KIAA0319L: variants seen among roughly 807,000 people sequenced by gnomAD.
The protein encoded by KIAA0319L is dyslexia-associated protein KIAA0319-like protein.
A neutral mutation model predicts 120.1 loss-of-function variants in KIAA0319L; 55 were observed. The observed-to-expected ratio is 0.46, with a 90% CI of 0.37 to 0.57. The LOEUF is 0.57. KIAA0319L is among the 20% of genes least tolerant of loss of function. The pLI, the probability that KIAA0319L is intolerant of heterozygous loss-of-function variation, is 0.00. For missense variants in KIAA0319L, 1,049 were observed against 1,255.3 expected, an observed-to-expected ratio of 0.84 and a Z score of 2.48; for synonymous variants, 398 against 471.9, an observed-to-expected ratio of 0.84 and a Z score of 2.03.
intron 2 of KIAA0319L, among the ~76,000 whole-genome samples, chr1:35,508,645 A>AACAGAT (rs1486568924): frequency 6.6e-6 from 1 of 152,158 alleles, no homozygotes; most frequent in African/African-American, 2.4e-5. Flanking sequence ...TCAAGCTACC[A>AACAGAT]ACAGATACAG....
chr1:35,435,375 C>G (rs1640701782), intron 20 of KIAA0319L: 1 of 299,616 alleles, frequency 3.3e-6, no homozygotes, highest in Admixed American at 5.0e-5. Flanking sequence ...GTGACATTCT[C>G]TTTTCTTTAC....
chr1:35,472,858 G>A (rs1250423335), intron 5 of KIAA0319L, among the ~76,000 whole-genome samples: 1 of 148,920 alleles, frequency 6.7e-6, no homozygotes, highest in African/African-American at 2.5e-5. Flanking sequence ...GCATAATCTT[G>A]GCTCACTGCA....
intron 2 of KIAA0319L, among the ~76,000 whole-genome samples, chr1:35,516,704 T>C (rs922741352): frequency 3.3e-5 from 5 of 152,066 alleles, no homozygotes; most frequent in African/African-American, 4.8e-5. Flanking sequence ...ATCCTAGACA[T>C]AGCAATCAGG....
intron 5 of KIAA0319L, among the ~76,000 whole-genome samples, chr1:35,472,766 G>A (rs1385087916): frequency 6.6e-6 from 1 of 151,628 alleles, no homozygotes; most frequent in African/African-American, 2.4e-5. Flanking sequence ...AGAGAGGACA[G>A]GAGAAAATAA....
chr1:35,451,550 C>T lies in KIAA0319L; in HGVS notation c.2062+78G>A, dbSNP rs554755228. ...TCTTGCTATCTCTAATCAATTTCTGCAGGCAAACATGACAGGATAAATTCT... is the reference window on the plus strand; with the variant it reads ...TCTTGCTATCTCTAATCAATTTCTGTAGGCAAACATGACAGGATAAATTCT... On this transcript the variant is annotated intron_variant, in intron 13 of 20. Coordinates refer to ENST00000325722, the MANE Select transcript of KIAA0319L (RefSeq NM_024874.5). The T allele has an allele frequency of 9.7e-5, 136 of 1,405,770 alleles. No homozygotes were observed. In the African/African-American group the frequency reaches 1.7e-3, roughly 18 times the overall value. The allele number at this position is 1,405,770 out of a possible 1,614,324, so 87.1% of individuals were successfully genotyped here.
At chr1:35,513,238 TTA>T (rs1259848629) in intron 2 of KIAA0319L, among the ~76,000 whole-genome samples, 1 of 146,532 alleles carries the variant, frequency 6.8e-6, no homozygotes, top group African/African-American at 2.5e-5. Flanking sequence ...TGATTTTGAT[TTA>T]TATATATATA....
chr1:35,443,824 C>T (rs1641410717), intron 17 of KIAA0319L, among the ~76,000 whole-genome samples: 1 of 152,142 alleles, frequency 6.6e-6, no homozygotes, highest in Admixed American at 6.5e-5. Flanking sequence ...TCTATTGCCT[C>T]AAAGCCACAG....
At chr1:35,497,373 AAAAAG>A (rs1410916147) in intron 3 of KIAA0319L, among the ~76,000 whole-genome samples, 1 of 152,246 alleles carries the variant, frequency 6.6e-6, no homozygotes, top group African/African-American at 2.4e-5. Context: ...TAAAGTCGTT[AAAAAG>A]AATACGTATG....
chr1:35,530,875 T>G (rs1646340046), intron 2 of KIAA0319L, among the ~76,000 whole-genome samples: 1 of 152,216 alleles, frequency 6.6e-6, no homozygotes, highest in Admixed American at 6.5e-5. Context: ...ATCAGTGGCA[T>G]CTGTGATTTT....
In KIAA0319L at chr1:35,554,509, G is replaced by A. The variant is rs765708824; in HGVS notation, c.-18C>T. 6.3e-7 allele frequency: 1 copy of A among 1,579,596 alleles called. No individual in the cohort carries two copies. Among genetic ancestry groups the A allele is most frequent in the South Asian group, 1.2e-5 (1 of 85,108 alleles). Reference sequence around the variant, plus strand: ...TTCTCCATGGCCCTCCAGACAGGCAGAACCAGTACACTAGAAGGACAGAAA... The same window carrying A: ...TTCTCCATGGCCCTCCAGACAGGCAAAACCAGTACACTAGAAGGACAGAAA... On this transcript the variant is annotated 5_prime_UTR_variant, in exon 2 of 21. Coordinates refer to ENST00000325722, the MANE Select transcript of KIAA0319L (RefSeq NM_024874.5).
At chr1:35,547,006 A>G (rs1647005451) in intron 2 of KIAA0319L, among the ~76,000 whole-genome samples, 1 of 147,498 alleles carries the variant, frequency 6.8e-6, no homozygotes, top group South Asian at 2.1e-4. Flanking sequence ...ATAAATTTAT[A>G]TACATATATA....
chr1:35,513,307 T>C lies in KIAA0319L; in HGVS notation c.143-6172A>G, dbSNP rs1452350186. 8.0e-5 allele frequency among the ~76,000 whole-genome samples: 10 copies of C among 124,738 alleles called. No individual in the cohort carries two copies. In the South Asian group the frequency reaches 1.2e-3, roughly 15 times the overall value. 81.8% of individuals were successfully genotyped at this position (124,738 alleles called of 152,430 possible). A position where few individuals can be genotyped will look rare whatever the true frequency, so the allele number is the denominator to read the frequency against. On this transcript the variant is annotated intron_variant, in intron 2 of 20. Coordinates refer to ENST00000325722, the MANE Select transcript of KIAA0319L (RefSeq NM_024874.5). ...ATATATATTTTTTTTTTTTTTTTTT[T>C]CTGTCCAGTATAAAATATAACCTCT...
chr1:35,481,886 G>A (rs1286382156), intron 3 of KIAA0319L, among the ~76,000 whole-genome samples: 2 of 135,472 alleles, frequency 1.5e-5, no homozygotes, highest in African/African-American at 2.7e-5. Context: ...GTGCAGTGGC[G>A]CGATCTCGGC....
At chr1:35,537,929 CCT>C (rs1410303705) in intron 2 of KIAA0319L, among the ~76,000 whole-genome samples, 1 of 152,116 alleles carries the variant, frequency 6.6e-6, no homozygotes, top group African/African-American at 2.4e-5. Context: ...TCTATCCCTC[CCT>C]CTAAGATAAA....
intron 2 of KIAA0319L, among the ~76,000 whole-genome samples, chr1:35,535,535 T>G (rs1018725230): frequency 7.9e-5 from 12 of 152,136 alleles, no homozygotes; most frequent in African/African-American, 2.7e-4. Context: ...CTTAGTTTTT[T>G]CATGTGTAAA....
intron 7 of KIAA0319L, among the ~76,000 whole-genome samples, chr1:35,465,629 T>G (rs1643203131): frequency 6.6e-6 from 1 of 152,136 alleles, no homozygotes; most frequent in African/African-American, 2.4e-5. Context: ...AAGGCATGAC[T>G]GGTTTTGAAA....
intron 2 of KIAA0319L, among the ~76,000 whole-genome samples, chr1:35,514,402 C>T (rs573718274): frequency 6.6e-6 from 1 of 151,152 alleles, no homozygotes; most frequent in South Asian, 2.1e-4. Context: ...GGACTAAATG[C>T]CCCCACTTAA....
chr1:35,438,515 CTTTTTTTTTTT>C (rs35570824), intron 20 of KIAA0319L: 42 of 103,910 alleles, frequency 4.0e-4, no homozygotes, highest in African/African-American at 1.4e-3. Context: ...CCACAGTTAT[CTTTTTTTTTTT>C]TTTTTTTTTT....
intron 7 of KIAA0319L, among the ~76,000 whole-genome samples, chr1:35,465,703 C>A (rs1643209921): frequency 6.6e-6 from 1 of 152,056 alleles, no homozygotes; most frequent in Non-Finnish European, 1.5e-5. Flanking sequence ...GTGTCCCCAC[C>A]CAAATCTCAT....
Sources: allele counts gnomAD v4.1 joint callset (sites outside exome capture counted in the v4.1 genomes callset), GRCh38; gene constraint gnomAD v4.1.1; transcripts MANE v1.5; gene names NCBI Gene and HGNC (gene_info 2026-07-23, HGNC 2026-07-21).